Variants in ARID1B observed in about 807,000 individuals in gnomAD.
The protein encoded by ARID1B is AT-rich interactive domain-containing protein 1B.
In ARID1B, 30 loss-of-function variants were observed where a neutral mutation model predicts 212.3. That is an observed-to-expected ratio of 0.14 (90% CI 0.11 to 0.19). The LOEUF is 0.19. ARID1B is among the 10% of genes least tolerant of loss of function. The probability of loss-of-function intolerance (pLI) is 1.00; values close to 1 mark genes in which losing one functional copy is unlikely to be tolerated. For synonymous variants in ARID1B, 1,402 were observed against 1,301.7 expected (o/e 1.08, Z -1.66); for missense variants, 2,891 against 3,204.0 (o/e 0.90, Z 2.36).
At chr6:157,199,491 G>A (rs1793955594) in intron 17 of ARID1B, among the ~76,000 whole-genome samples, 1 of 151,658 alleles carries the variant, frequency 6.6e-6, no homozygotes, top group Admixed American at 6.6e-5. Flanking sequence ...TTCGTGGTGT[G>A]GCTTTCCAGA....
Position 156,779,308 on chromosome 6 carries a change from C to T in ARID1B, c.1628C>T (p.Ala543Val), listed in dbSNP as rs797045270. 7 of 1,117,300 alleles carry T rather than the reference C, an allele frequency of 6.3e-6. No individual in the cohort carries two copies. The East Asian group carries it at 1.8e-4, about 29-fold the overall frequency. The allele number at this position is 1,117,300 out of a possible 1,614,324, so 69.2% of individuals were successfully genotyped here. Residue 543 changes from alanine to valine, a missense_variant, in exon 1 of 20, where the codon GCG becomes GTG. Physicochemically the swap from Ala to Val is moderately conservative, Grantham distance 64. Coordinates refer to ENST00000636930, the MANE Select transcript of ARID1B (RefSeq NM_001374828.1). ...CAGCCCCAGTCCCAGGCGGCGGCGGCGGGGGCGGCGGCGGGCGGCCAGCAG... is the reference window on the plus strand; with the variant it reads ...CAGCCCCAGTCCCAGGCGGCGGCGGTGGGGGCGGCGGCGGGCGGCCAGCAG... Reference protein sequence around the residue: ...PSQPQSQAAAAGAAAGGQQAA... With the variant: ...PSQPQSQAAAVGAAAGGQQAA...
intron 8 of ARID1B, among the ~76,000 whole-genome samples, chr6:157,154,302 A>C (rs185093340): frequency 4.6e-5 from 7 of 152,308 alleles, no homozygotes; most frequent in Non-Finnish European, 1.0e-4. Context: ...ATTTTGATCA[A>C]GTCTTGAGTG....
At chr6:156,915,619 G>T (rs1474147177) in intron 3 of ARID1B, among the ~76,000 whole-genome samples, 1 of 151,842 alleles carries the variant, frequency 6.6e-6, no homozygotes, top group African/African-American at 2.4e-5. Flanking sequence ...GTTTTGGGCG[G>T]GCTCAGTGGC....
At chr6:156,969,758 T>TA in intron 4 of ARID1B, among the ~76,000 whole-genome samples, 1 of 152,210 alleles carries the variant, frequency 6.6e-6, no homozygotes, top group Non-Finnish European at 1.5e-5. Context: ...GAACACTTAT[T>TA]AAAATAGAAG....
At chr6:156,860,490 G>T (rs1033521769) in intron 2 of ARID1B, among the ~76,000 whole-genome samples, 6 of 152,014 alleles carry the variant, frequency 3.9e-5, no homozygotes, top group African/African-American at 1.2e-4. Context: ...TAAATCGTGG[G>T]ATTTATGCCA....
intron 4 of ARID1B, among the ~76,000 whole-genome samples, chr6:157,073,572 T>C (rs1784118244): frequency 6.6e-6 from 1 of 152,244 alleles, no homozygotes; most frequent in Admixed American, 6.5e-5. Flanking sequence ...TGAGCACTTA[T>C]TGTATGCTTA....
At chr6:157,135,088 A>AT (rs200748744) in intron 7 of ARID1B, among the ~76,000 whole-genome samples, 1,455 of 142,444 alleles carry the variant, frequency 0.01, 13 homozygotes, top group African/African-American at 0.021. Context: ...TATAGAATGG[A>AT]TTTTTTTTTT....
At chr6:156,812,974 G>GTGTGTGTGTA (rs1554254427) in intron 1 of ARID1B, among the ~76,000 whole-genome samples, 1 of 84,520 alleles carries the variant, frequency 1.2e-5, no homozygotes, top group Admixed American at 1.1e-4. Context: ...GTGTGTGTGT[G>GTGTGTGTGTA]TGTATGTATA....
In ARID1B at chr6:157,084,843, T is replaced by C. The variant is rs1784863858; in HGVS notation, c.2429T>C (p.Val810Ala). ...SIPGGPSPSPVGSPVGSNQSR... is the reference protein window; with the variant it reads ...SIPGGPSPSPAGSPVGSNQSR... ...CCGGGGGGCCCATCTCCCTCTCCTG[T>C]TGGCTCTCCTGTAGGAAGCAACCAG... The change falls in exon 5 of 20, where the codon GTT becomes GCT. Residue 810 changes from valine (V) to alanine (A), a missense_variant. By Grantham distance (64) the Val-to-Ala change is moderately conservative (BLOSUM62 0). Around this residue, in one of 7 missense-constraint regions of ARID1B, gnomAD observed 1,643 missense variants for 1,544.0 expected, o/e 1.06. Coordinates refer to ENST00000636930, the MANE Select transcript of ARID1B (RefSeq NM_001374828.1). 6.2e-7 allele frequency: 1 copy of C among 1,614,080 alleles called. No homozygotes were observed. Among genetic ancestry groups the C allele is most frequent in the Non-Finnish European group, 8.5e-7 (1 of 1,180,028 alleles).
rs1794523639 is a variant in ARID1B at position 157,207,098 on chromosome 6, C to T, written c.6326C>T (p.Pro2109Leu). ...GKLILLHHEH[P>L]ERKRAPQTYE... ...CTGATTCTTCTTCACCACGAGCATCCAGAGAGAAAGCGAGCACCGCAGACC... is the reference window on the plus strand; with the variant it reads ...CTGATTCTTCTTCACCACGAGCATCTAGAGAGAAAGCGAGCACCGCAGACC... Residue 2109 changes from proline (P) to leucine (L), a missense_variant, in exon 20 of 20, where the codon CCA (proline) becomes CTA (leucine). Pro to Leu is a moderately conservative substitution (Grantham distance 98). Coordinates refer to ENST00000636930, the MANE Select transcript of ARID1B (RefSeq NM_001374828.1). This position sits in a 1 kb window ranked among gnomAD's most constrained non-coding sequence, Gnocchi z 8.5. 6.2e-7 allele frequency: 1 copy of T among 1,614,158 alleles called. No homozygotes were observed. The highest frequency in any genetic ancestry group is 8.5e-7 in the Non-Finnish European group (1 of 1,180,040).
chr6:157,205,762 T>C (rs891159212), intron 19 of ARID1B: 1 of 166,560 alleles, frequency 6.0e-6, no homozygotes, highest in African/African-American at 2.4e-5. Flanking sequence ...GAGAACAGAG[T>C]CACTTTGGGC....
chr6:157,004,572 A>T (rs1018386582), intron 4 of ARID1B, among the ~76,000 whole-genome samples: 1 of 152,172 alleles, frequency 6.6e-6, no homozygotes, highest in African/African-American at 2.4e-5. Flanking sequence ...TAAAACATAC[A>T]TTGTAATTCA....
At chr6:156,805,998 C>G (rs1781129143) in intron 1 of ARID1B, among the ~76,000 whole-genome samples, 2 of 152,120 alleles carry the variant, frequency 1.3e-5, no homozygotes, top group Admixed American at 1.3e-4. Context: ...CTTTGAAACC[C>G]TGTAATGTGA....
chr6:157,196,065 A>G (rs1793697536), intron 15 of ARID1B, 100 bp from the exon 16 acceptor site: 2 of 1,485,970 alleles, frequency 1.3e-6, no homozygotes, highest in Non-Finnish European at 1.8e-6. Context: ...TCTCAAAAAA[A>G]AGAAAAAGTC....
At chr6:156,971,020 T>G (rs907591471) in intron 4 of ARID1B, among the ~76,000 whole-genome samples, 8 of 152,220 alleles carry the variant, frequency 5.3e-5, no homozygotes, top group African/African-American at 1.7e-4. Flanking sequence ...ATGACAGGTT[T>G]ACTGCTGTGT....
intron 3 of ARID1B, among the ~76,000 whole-genome samples, chr6:156,924,263 T>G (rs1791044667): frequency 6.6e-6 from 1 of 152,226 alleles, no homozygotes; most frequent in Non-Finnish European, 1.5e-5. Context: ...TGCACAAATT[T>G]CTTTTTCCTT....
At chr6:157,199,051 C>T in intron 17 of ARID1B, 144 bp downstream of exon 17, 1 of 647,654 alleles carries the variant, frequency 1.5e-6, no homozygotes, top group Non-Finnish European at 2.5e-6. Flanking sequence ...ATAGTTAATG[C>T]TAGAAAGTAC....
chr6:156,801,031 A>G (rs1780746057), intron 1 of ARID1B, among the ~76,000 whole-genome samples: 1 of 152,178 alleles, frequency 6.6e-6, no homozygotes, highest in African/African-American at 2.4e-5. Flanking sequence ...CATTCTCATC[A>G]CTGTAGAAAG....
At chr6:156,976,376 C>A in intron 4 of ARID1B, 1 of 163,222 alleles carries the variant, frequency 6.1e-6, no homozygotes, top group South Asian at 1.5e-4. Context: ...GGTCATTGCC[C>A]GTTTCTCACT....
Sources: allele counts gnomAD v4.1 joint callset (sites outside exome capture counted in the v4.1 genomes callset), GRCh38; gene constraint gnomAD v4.1.1; regional missense constraint gnomAD v4.1.1; non-coding constraint Gnocchi (gnomAD v3.1); transcripts MANE v1.5; gene names NCBI Gene and HGNC (gene_info 2026-07-23, HGNC 2026-07-21).